Variants in AP3D1 observed in about 807,000 individuals in gnomAD.
AP3D1 encodes AP-3 complex subunit delta-1.
Under a neutral mutation model 147.6 loss-of-function variants are expected in AP3D1, and 51 were observed. That is an observed-to-expected ratio of 0.35 (90% CI 0.28 to 0.44). The LOEUF is 0.44. Ranked by LOEUF, AP3D1 falls within the 20% of genes least tolerant of loss-of-function variation. The probability of loss-of-function intolerance (pLI) is 1.00; values close to 1 mark genes in which losing one functional copy is unlikely to be tolerated. For synonymous variants in AP3D1, 760 were observed against 663.0 expected, an observed-to-expected ratio of 1.15 and a Z score of -2.25; for missense variants, 1,421 against 1,624.2, an observed-to-expected ratio of 0.87 and a Z score of 2.15.
In AP3D1 at chr19:2,142,990, C is replaced by T. The variant is rs576900740; in HGVS notation, c.97-4276G>A. Among the ~76,000 whole-genome samples, 6 of 151,870 alleles carry T rather than the reference C, an allele frequency of 4.0e-5. No individual in the cohort carries two copies. In the South Asian group the frequency reaches 1.2e-3, roughly 32 times the overall value. ...TGTTGGCCAGGCTGATCTCGAACTC[C>T]CGACCTCAGGTGATCTGCCCACCTC... On this transcript the variant is annotated intron_variant, in intron 1 of 31. Coordinates refer to ENST00000643116, the MANE Select transcript of AP3D1 (RefSeq NM_001261826.3).
intron 6 of AP3D1, among the ~76,000 whole-genome samples, chr19:2,130,045 C>T (rs1326076126): frequency 6.6e-6 from 1 of 152,232 alleles, no homozygotes; most frequent in African/African-American, 2.4e-5. Flanking sequence ...AAATACACAA[C>T]AGCTACACTA....
chr19:2,126,614 C>T (rs2145092494), intron 9 of AP3D1, among the ~76,000 whole-genome samples: 1 of 145,668 alleles, frequency 6.9e-6, no homozygotes, highest in South Asian at 2.2e-4. Flanking sequence ...AGTTGCGCCA[C>T]TGCCCTCCAG....
chr19:2,121,997 C>G, intron 11 of AP3D1, 118 bp from the exon 12 acceptor site: 2 of 1,201,958 alleles, frequency 1.7e-6, no homozygotes, highest in East Asian at 5.4e-5. Flanking sequence ...CCTTGGCAAC[C>G]TGGGGGTGGA....
At chr19:2,137,678 A>G (rs781030626) in intron 3 of AP3D1, 49 bp downstream of exon 3, 112 of 1,521,922 alleles carry the variant, frequency 7.4e-5, no homozygotes, top group Admixed American at 1.5e-4. Flanking sequence ...GGTGCCTCAC[A>G]CCTGTAATCA....
Position 2,110,708 on chromosome 19 carries a change from T to G in AP3D1, c.3174A>C (p.Pro1058=). Residue 1058 remains proline, a splice_region_variant and synonymous_variant, in exon 27 of 32, where the codon CCA becomes CCC. Transcript: ENST00000643116. ...DGVPVPFQLP[P]GVSNEAQYVF... is the part of the protein sequence containing the mutation. ...GGCCGTGAGTGGGGCAGGGCTCACCTGGGGGCAGCTGGAAAGGCACGGGGA... is the reference window on the plus strand; with the variant it reads ...GGCCGTGAGTGGGGCAGGGCTCACCGGGGGGCAGCTGGAAAGGCACGGGGA... 1 of 1,595,266 alleles carries G rather than the reference T, an allele frequency of 6.3e-7. No individual in the cohort carries two copies. The highest frequency in any genetic ancestry group is 8.5e-7 in the Non-Finnish European group (1 of 1,172,290).
intron 1 of AP3D1, among the ~76,000 whole-genome samples, chr19:2,144,505 G>T (rs1466375509): frequency 6.6e-6 from 1 of 152,132 alleles, no homozygotes; most frequent in Non-Finnish European, 1.5e-5. Flanking sequence ...CCAGACCCCG[G>T]CCAGCCCTGC....
At chr19:2,134,853 A>C (rs1332135784) in intron 4 of AP3D1, among the ~76,000 whole-genome samples, 1 of 151,056 alleles carries the variant, frequency 6.6e-6, no homozygotes, top group African/African-American at 2.4e-5. Flanking sequence ...CACCCGCCTC[A>C]GCTTCCCAAA....
At chr19:2,109,053 C>T (rs1198052633) in intron 30 of AP3D1, 33 bp downstream of exon 30, 2 of 1,604,366 alleles carry the variant, frequency 1.2e-6, no homozygotes. Flanking sequence ...CGTGAAAGCC[C>T]CGTGCAATCC....
chr19:2,134,161 C>T (rs1258112797), intron 4 of AP3D1, among the ~76,000 whole-genome samples: 1 of 151,994 alleles, frequency 6.6e-6, no homozygotes. Flanking sequence ...CACTTCTAAT[C>T]CTACCACTTT....
At chr19:2,103,539 G>A (rs978671683) in intron 31 of AP3D1, among the ~76,000 whole-genome samples, 3 of 152,224 alleles carry the variant, frequency 2.0e-5, no homozygotes, top group African/African-American at 7.2e-5. Context: ...CGATCTGCTA[G>A]GCTCACTCCA....
At chr19:2,112,189 A>C in intron 24 of AP3D1, 1 of 283,126 alleles carries the variant, frequency 3.5e-6, no homozygotes, top group South Asian at 5.0e-5. Context: ...GCAGATGTTC[A>C]AAGCGGCATA....
At chr19:2,110,977 C>T in intron 26 of AP3D1, 81 bp from the exon 27 acceptor site, 3 of 1,448,496 alleles carry the variant, frequency 2.1e-6, no homozygotes, top group Non-Finnish European at 2.8e-6. Context: ...TTAATGACCA[C>T]AGAGGCAGCA....
At chr19:2,136,138 G>A (rs572480475) in intron 4 of AP3D1, among the ~76,000 whole-genome samples, 88 of 152,358 alleles carry the variant, frequency 5.8e-4, no homozygotes, top group East Asian at 1.9e-3. Context: ...CATCTAGGGC[G>A]CATGTCGCCC....
At chr19:2,125,835 G>GA (rs11420028) in intron 9 of AP3D1, among the ~76,000 whole-genome samples, 45,236 of 145,428 alleles carry the variant, frequency 0.31, 7,874 homozygotes, top group African/African-American at 0.49. Flanking sequence ...AGTAAAGCTA[G>GA]AAAAAAAAAA....
intron 31 of AP3D1, among the ~76,000 whole-genome samples, chr19:2,106,802 G>A (rs547049724): frequency 1.3e-5 from 2 of 152,172 alleles, no homozygotes; most frequent in Non-Finnish European, 2.9e-5. Flanking sequence ...GCCAGACACA[G>A]AAGGATACAT....
At position 2,158,202 on chromosome 19, in the gene AP3D1, C is replaced by T. The variant is rs557678030; in HGVS notation, c.-103+6154G>A. Among the ~76,000 whole-genome samples, 1,042 of 152,130 alleles carry T rather than the reference C, an allele frequency of 6.8e-3. 10 individuals carry two copies. The highest frequency in any genetic ancestry group is 0.01 in the Non-Finnish European group (709 of 68,008). ...TTTCCAGTAGCTGGGACTACAGGCA[C>T]CCGCCACCACGCCCGGCTAATTTTT... On this transcript the variant is annotated intron_variant, in intron 1 of 14. Transcript: ENST00000643010.
rs746882194 is a variant in AP3D1, at chr19:2,116,566, G to A, written c.2001+39C>T. 6 of 1,532,894 alleles carry A rather than the reference G, an allele frequency of 3.9e-6. No individual in the cohort carries two copies. The South Asian group carries it at 7.6e-5, about 19-fold the overall frequency. The allele number at this position is 1,532,894 out of a possible 1,614,324, so 95.0% of individuals were successfully genotyped here. On this transcript the variant is annotated intron_variant, in intron 17 of 31. Coordinates refer to ENST00000643116, the MANE Select transcript of AP3D1 (RefSeq NM_001261826.3). ...CTCAAAGACTCCCTGGGACAGGAGGGAGGAGACGAGGGCTCGCCAGGGGCA... is the reference window on the plus strand; with the variant it reads ...CTCAAAGACTCCCTGGGACAGGAGGAAGGAGACGAGGGCTCGCCAGGGGCA...
chr19:2,112,758 G>C (rs894739812), intron 24 of AP3D1, 102 bp downstream of exon 24: 12 of 849,634 alleles, frequency 1.4e-5, no homozygotes, highest in Non-Finnish European at 2.2e-5. Context: ...GCGAGAGCAG[G>C]GCTGCCCTGG....
At position 2,148,094 on chromosome 19, in the gene AP3D1, C is replaced by T. The variant is rs188813188; in HGVS notation, c.96+3145G>A. On this transcript the variant is annotated intron_variant, in intron 1 of 31. Transcript: ENST00000643116. ...CCCGGGAGGCACAGCTTGCAGTGAG[C>T]CCAGATCGCACCACTGCACTGCAGC... is the stretch of plus-strand genomic sequence containing the variant. Among the ~76,000 whole-genome samples, 906 of 149,766 alleles carry T rather than the reference C, an allele frequency of 6.0e-3. 5 individuals carry two copies. Among genetic ancestry groups the T allele is most frequent in the Non-Finnish European group, 0.011 (711 of 67,562 alleles).
Sources: allele counts gnomAD v4.1 joint callset (sites outside exome capture counted in the v4.1 genomes callset), GRCh38; gene constraint gnomAD v4.1.1; transcripts MANE v1.5; gene names NCBI Gene and HGNC (gene_info 2026-07-23, HGNC 2026-07-21).